The following TIMP1 variants were observed in gnomAD, a reference collection of about 807,000 sequenced individuals.
TIMP1 encodes TIMP metallopeptidase inhibitor 1, also known as metalloproteinase inhibitor 1.
TIMP1 carries 5 observed loss-of-function variants against 13.7 expected under a neutral mutation model. The observed-to-expected ratio is 0.36, with a 90% CI of 0.19 to 0.76. TIMP1 has a LOEUF of 0.76. TIMP1 is among the 30% of genes least tolerant of loss of function. TIMP1 has a pLI of 0.51. For synonymous variants in TIMP1, 63 were observed against 67.1 expected (o/e 0.94, Z 0.30); for missense variants, 131 against 168.4 (o/e 0.78, Z 1.23).
rs190772791 is a variant in TIMP1 at position 47,584,638 on chromosome X, C to T, written c.122-298C>T. On this transcript the variant is annotated intron_variant, in intron 2 of 5. Transcript: ENST00000218388. ...GAAAGGGATTTCTGTGTTTTGTTCA[C>T]TGTTGTGTCCCTAACACCCAGAACA... Among the ~76,000 whole-genome samples the T allele has an allele frequency of 4.5e-5, 5 of 112,332 alleles. No individual in the cohort carries two copies. The East Asian group carries it at 1.1e-3, about 25-fold the overall frequency.
intron 5 of TIMP1, chrX:47,586,209 A>G (rs2057825457): frequency 2.0e-5 from 15 of 753,069 alleles, no homozygotes; most frequent in Non-Finnish European, 1.9e-5. Context: ...TTAGCCGCCA[A>G]CCGGGTGGGG....
chrX:47,583,423 C>G lies in TIMP1; in HGVS notation c.8C>G (p.Pro3Arg). ...TTCCCCACAGAACCCACCATGGCCC[C>G]CTTTGAGCCCCTGGCTTCTGGCATC... is the stretch of plus-strand genomic sequence containing the variant. The part of the protein sequence containing the change: MA[P>R]FEPLASGILL... Residue 3 changes from proline to arginine, a missense_variant, in exon 2 of 6, where the codon CCC becomes CGC. Coordinates refer to ENST00000218388, the MANE Select transcript of TIMP1 (RefSeq NM_003254.3). 7 of 1,204,494 alleles carry G rather than the reference C, an allele frequency of 5.8e-6. No individual in the cohort carries two copies. Among genetic ancestry groups the G allele is most frequent in the African/African-American group, 3.5e-5 (2 of 57,491 alleles).
chrX:47,585,534 T>C lies in TIMP1; in HGVS notation c.329-9T>C. 1 of 1,200,619 alleles carries C rather than the reference T, an allele frequency of 8.3e-7. No homozygotes were observed. ...TGCTTGTCGGTCCCCGCCCCGCCTT[T>C]CTCCTTAGGAAAACTGCAGGATGGA... On this transcript the variant is annotated splice_polypyrimidine_tract_variant and intron_variant, in intron 4 of 5. Transcript: ENST00000218388.
intron 3 of TIMP1, 52 bp from the exon 4 acceptor site, chrX:47,585,153 G>A: frequency 4.3e-6 from 5 of 1,164,500 alleles, no homozygotes; most frequent in Non-Finnish European, 5.8e-6. Flanking sequence ...GAAGAACCTG[G>A]AGTGGGAGGA....
chrX:47,586,571 C>T lies in TIMP1; in HGVS notation c.504C>T (p.Cys168=), dbSNP rs756822710. ...IPCKLQSGTH[C]LWTDQLLQGS... ...GCAAACTGCAGAGTGGCACTCATTGCTTGTGGACGGACCAGCTCCTCCAAG... is the reference window on the plus strand; with the variant it reads ...GCAAACTGCAGAGTGGCACTCATTGTTTGTGGACGGACCAGCTCCTCCAAG... The change falls in exon 6 of 6, where the codon TGC becomes TGT. Residue 168 remains cysteine (C), a synonymous_variant. Coordinates refer to ENST00000218388, the MANE Select transcript of TIMP1 (RefSeq NM_003254.3). The T allele has an allele frequency of 3.3e-6, 4 of 1,212,081 alleles. No individual in the cohort carries two copies. Among genetic ancestry groups the T allele is most frequent in the Middle Eastern group, 2.3e-4 (1 of 4,354 alleles).
intron 2 of TIMP1, among the ~76,000 whole-genome samples, 177 bp from the exon 3 acceptor site, chrX:47,584,759 C>T (rs2057815400): frequency 1.8e-5 from 2 of 112,098 alleles, no homozygotes; most frequent in Admixed American, 1.9e-4. Flanking sequence ...CAAAGAGAGA[C>T]ACTCAACATA....
In TIMP1 at chrX:47,583,376, C is replaced by T. The variant is rs745509141; in HGVS notation, c.-8-32C>T. On this transcript the variant is annotated intron_variant, in intron 1 of 5. Coordinates refer to ENST00000218388, the MANE Select transcript of TIMP1 (RefSeq NM_003254.3). ...GCCCAGGTCAGCAGATCAGCTGGGCCGGGGCCTGCCTGACATCCCCCTTCC... is the reference window on the plus strand; with the variant it reads ...GCCCAGGTCAGCAGATCAGCTGGGCTGGGGCCTGCCTGACATCCCCCTTCC... The T allele has an allele frequency of 5.9e-5, 69 of 1,170,203 alleles. No homozygotes were observed. In the Admixed American group the frequency reaches 7.2e-4, roughly 12 times the overall value.
At chrX:47,583,580 C>T in intron 2 of TIMP1, 44 bp downstream of exon 2, 1 of 1,148,070 alleles carries the variant, frequency 8.7e-7, no homozygotes, top group Non-Finnish European at 1.2e-6. Context: ...GCCTTGGTTT[C>T]CCTTTCAGTC....
chrX:47,585,236 C>G lies in TIMP1; in HGVS notation c.233C>G (p.Ala78Gly). ...AAAGGGTTCCAAGCCTTAGGGGATG[C>G]CGCTGACATCCGGTTCGTCTACACC... Reference protein sequence around the residue: ...MYKGFQALGDAADIRFVYTPA... With the variant: ...MYKGFQALGDGADIRFVYTPA... The change falls in exon 4 of 6, where the codon GCC (alanine) becomes GGC (glycine). Residue 78 changes from alanine to glycine, a missense_variant. Coordinates refer to ENST00000218388, the MANE Select transcript of TIMP1 (RefSeq NM_003254.3). The G allele has an allele frequency of 8.3e-7, 1 of 1,199,711 alleles. No individual in the cohort carries two copies.
intron 5 of TIMP1, chrX:47,585,911 A>C: frequency 8.9e-7 from 1 of 1,118,823 alleles, no homozygotes; most frequent in Non-Finnish European, 1.2e-6. Context: ...GGTCCCTCTA[A>C]TTCTCCCTTG....
At position 47,585,205 on chromosome X, in the gene TIMP1, A is replaced by G. The variant is rs749176055; in HGVS notation, c.202A>G (p.Met68Val). Residue 68 changes from methionine to valine, a missense_variant and splice_region_variant, in exon 4 of 6, where the codon ATG becomes GTG. Coordinates refer to ENST00000218388, the MANE Select transcript of TIMP1 (RefSeq NM_003254.3). ...YQRYEIKMTK[M>V]YKGFQALGDA... Reference sequence around the variant, plus strand: ...GACACTTCCCCTCATCCATCAACAGATGTATAAAGGGTTCCAAGCCTTAGG... The same window carrying G: ...GACACTTCCCCTCATCCATCAACAGGTGTATAAAGGGTTCCAAGCCTTAGG... 3 of 1,179,232 alleles carry G rather than the reference A, an allele frequency of 2.5e-6. No homozygotes were observed. The East Asian group carries it at 9.0e-5, about 35-fold the overall frequency.
intron 5 of TIMP1, chrX:47,585,873 A>C (rs1379507258): frequency 8.8e-7 from 1 of 1,140,525 alleles, no homozygotes; most frequent in South Asian, 1.9e-5. Context: ...CCCTGTGTCC[A>C]ATACCGTGTG....
In TIMP1 at chrX:47,585,195, C is replaced by T; in HGVS notation, c.202-10C>T. On this transcript the variant is annotated splice_polypyrimidine_tract_variant and intron_variant, in intron 3 of 5. Coordinates refer to ENST00000218388, the MANE Select transcript of TIMP1 (RefSeq NM_003254.3). Reference sequence around the variant, plus strand: ...CAGTAAAAGAGACACTTCCCCTCATCCATCAACAGATGTATAAAGGGTTCC... The same window carrying T: ...CAGTAAAAGAGACACTTCCCCTCATTCATCAACAGATGTATAAAGGGTTCC... 2 of 1,176,232 alleles carry T rather than the reference C, an allele frequency of 1.7e-6. No homozygotes were observed. The highest frequency in any genetic ancestry group is 2.3e-6 in the Non-Finnish European group (2 of 876,279).
intron 2 of TIMP1, among the ~76,000 whole-genome samples, chrX:47,583,887 G>A (rs2057810873): frequency 8.9e-6 from 1 of 111,739 alleles, no homozygotes; most frequent in Non-Finnish European, 1.9e-5. Context: ...AATATTCAGT[G>A]ATACTTGTTA....
At chrX:47,585,778 C>G (rs1384767230) in intron 5 of TIMP1, 111 bp downstream of exon 5, 1 of 1,161,200 alleles carries the variant, frequency 8.6e-7, no homozygotes, top group African/African-American at 1.8e-5. Flanking sequence ...GTGGCTGCTC[C>G]CCAACCCTAA....
Position 47,586,514 on chromosome X carries a change from C to A in TIMP1, c.454-7C>A. 1 of 1,210,328 alleles carries A rather than the reference C, an allele frequency of 8.3e-7. No individual in the cohort carries two copies. The highest frequency in any genetic ancestry group is 1.1e-6 in the Non-Finnish European group (1 of 894,518). On this transcript the variant is annotated splice_region_variant and splice_polypyrimidine_tract_variant and intron_variant, in intron 5 of 5. Transcript: ENST00000218388. ...GCCCTCAGAGATGTTTCCCTCCTCC[C>A]TTCCAGGTGTTTCCCTGTTTATCCA...
chrX:47,582,829 A>C (rs1266469576), intron 1 of TIMP1, among the ~76,000 whole-genome samples: 1 of 53,030 alleles, frequency 1.9e-5, no homozygotes, highest in Non-Finnish European at 3.5e-5. Flanking sequence ...AAACTCCCCC[A>C]GCTCCCCAAT....
At chrX:47,583,276 C>A in intron 1 of TIMP1, 132 bp from the exon 2 acceptor site, 1 of 446,449 alleles carries the variant, frequency 2.2e-6, no homozygotes, top group Non-Finnish European at 3.7e-6. Flanking sequence ...CTAAGCTTAC[C>A]AACCCCTCAA....
At chrX:47,585,518 G>T in intron 4 of TIMP1, 25 bp from the exon 5 acceptor site, 2 of 1,197,625 alleles carry the variant, frequency 1.7e-6, no homozygotes, top group Non-Finnish European at 2.3e-6. Context: ...CTGCTTGTCG[G>T]TCCCCGCCCC....
Sources: allele counts gnomAD v4.1 joint callset (sites outside exome capture counted in the v4.1 genomes callset), GRCh38; gene constraint gnomAD v4.1.1; transcripts MANE v1.5; gene names NCBI Gene and HGNC (gene_info 2026-07-23, HGNC 2026-07-21).